The following HMSD variants were observed in gnomAD, a reference collection of about 807,000 sequenced individuals.
The protein encoded by HMSD is serpin-like protein HMSD.
In HMSD, 13 loss-of-function variants were observed where a neutral mutation model predicts 10.0. The ratio of observed to expected loss-of-function variants is 1.31; its 90% CI spans 0.85 to 2.08. HMSD has a LOEUF of 2.08. Among genes scored for constraint, HMSD ranks in the 30% most tolerant of loss-of-function variants. HMSD has a pLI of 0.00. For missense variants in HMSD, 169 were observed against 166.3 expected (o/e 1.02, Z -0.09); for synonymous variants, 51 against 54.2 (o/e 0.94, Z 0.26).
At chr18:63,957,398 T>C (rs1327135295) in intron 3 of HMSD, among the ~76,000 whole-genome samples, 3 of 152,178 alleles carry the variant, frequency 2.0e-5, no homozygotes, top group African/African-American at 4.8e-5. Flanking sequence ...AATTGCCTAT[T>C]TACATATCCT....
downstream of HMSD, among the ~76,000 whole-genome samples, chr18:63,962,523 A>C (rs1040783946): frequency 2.0e-5 from 3 of 152,186 alleles, no homozygotes; most frequent in African/African-American, 7.2e-5. Flanking sequence ...GGATCCAGGG[A>C]TGAGCATCCT....
chr18:63,951,112 TAA>T (rs2050328244), intron 1 of HMSD, among the ~76,000 whole-genome samples: 1 of 152,258 alleles, frequency 6.6e-6, no homozygotes, highest in Non-Finnish European at 1.5e-5. Context: ...AACAGATTTA[TAA>T]GTGTTGATTT....
rs965191006 is a variant in HMSD, at chr18:63,954,286, G to A, written c.73-122G>A. 15 of 712,806 alleles carry A rather than the reference G, an allele frequency of 2.1e-5. No homozygotes were observed. In the African/African-American group the frequency reaches 2.5e-4, roughly 12 times the overall value. 44.2% of individuals were successfully genotyped at this position (712,806 alleles called of 1,614,324 possible). On this transcript the variant is annotated intron_variant, in intron 2 of 3. Transcript: ENST00000408945. ...GACACTCTCTATCTTTTATTAGATT[G>A]ATCATCTTTTAAGCTGTAGTAAGCA...
At chr18:63,967,145 T>G (rs900401453) in intron 3 of HMSD, among the ~76,000 whole-genome samples, 3 of 152,150 alleles carry the variant, frequency 2.0e-5, no homozygotes, top group Non-Finnish European at 4.4e-5. Flanking sequence ...CTTTGTTTTT[T>G]GTTTGTTTGT....
At chr18:63,955,632 G>T (rs1447471469) in intron 3 of HMSD, among the ~76,000 whole-genome samples, 1 of 152,108 alleles carries the variant, frequency 6.6e-6, no homozygotes, top group Non-Finnish European at 1.5e-5. Context: ...TAAAACTTTT[G>T]GAAGGGTGGG....
At chr18:63,962,642 T>C (rs980786824), downstream of HMSD, among the ~76,000 whole-genome samples, 12 of 152,164 alleles carry the variant, frequency 7.9e-5, no homozygotes, top group Non-Finnish European at 8.8e-5. Flanking sequence ...ACTCCTCCTA[T>C]GCTTCAATAA....
At position 63,960,550 on chromosome 18, in the gene HMSD, G is replaced by T. The variant is rs983110252; in HGVS notation, c.*195G>T. On this transcript the variant is annotated 3_prime_UTR_variant, in exon 4 of 4. Transcript: ENST00000408945. Reference sequence around the variant, plus strand: ...GGTAGTTTTTCTTTTCACAAATAGCGTTAAAATTTGAATTTAAAAATTTCT... The same window carrying T: ...GGTAGTTTTTCTTTTCACAAATAGCTTTAAAATTTGAATTTAAAAATTTCT... 1.3e-6 allele frequency: 1 copy of T among 770,218 alleles called. No individual in the cohort carries two copies. Among genetic ancestry groups the T allele is most frequent in the African/African-American group, 1.8e-5 (1 of 55,480 alleles). 47.7% of individuals were successfully genotyped at this position (770,218 alleles called of 1,614,324 possible).
At chr18:63,957,212 C>T (rs1048295091) in intron 3 of HMSD, among the ~76,000 whole-genome samples, 3 of 151,342 alleles carry the variant, frequency 2.0e-5, no homozygotes, top group African/African-American at 7.3e-5. Context: ...CTTAGGTATC[C>T]GTGAACCTAA....
At chr18:63,953,885 C>G (rs1229964107) in intron 2 of HMSD, among the ~76,000 whole-genome samples, 1 of 152,188 alleles carries the variant, frequency 6.6e-6, no homozygotes, top group Non-Finnish European at 1.5e-5. Context: ...GGCTTCTCGA[C>G]CACGGTAGCT....
intron 1 of HMSD, among the ~76,000 whole-genome samples, chr18:63,949,752 T>C (rs528211851): frequency 1.3e-5 from 2 of 152,296 alleles, no homozygotes; most frequent in Admixed American, 1.3e-4. Context: ...GTGAAGTTTA[T>C]GTTGGGCGCT....
At position 63,953,420 on chromosome 18, in the gene HMSD, A is replaced by G; in HGVS notation, c.-36A>G. ...TTGCATTAAACCTTTTGAAAAAGCT[A>G]GGGGAAAACAACTCAAACAACTTAT... On this transcript the variant is annotated 5_prime_UTR_variant, in exon 2 of 4. Transcript: ENST00000408945. 6.4e-7 allele frequency: 1 copy of G among 1,561,782 alleles called. No homozygotes were observed. The highest frequency in any genetic ancestry group is 8.8e-7 in the Non-Finnish European group (1 of 1,134,920).
chr18:63,953,299 A>T, intron 1 of HMSD, 55 bp from the exon 2 acceptor site: 1 of 585,722 alleles, frequency 1.7e-6, no homozygotes. Flanking sequence ...GTGAAAAGTA[A>T]ATACACATGT....
downstream of HMSD, among the ~76,000 whole-genome samples, chr18:63,963,084 TCTTTCTTTC>T: frequency 2.3e-5 from 1 of 43,570 alleles, no homozygotes; most frequent in African/African-American, 1.8e-4. Flanking sequence ...TTTCTTTCTT[TCTTTCTTTC>T]TTTCTTTCTT....
At chr18:63,963,260 C>T (rs934325352), downstream of HMSD, among the ~76,000 whole-genome samples, 2 of 148,066 alleles carry the variant, frequency 1.4e-5, no homozygotes, top group Non-Finnish European at 3.0e-5. Flanking sequence ...TCCTTCCTTC[C>T]TTCTTTCCTT....
At chr18:63,950,492 A>G (rs1206446183) in intron 1 of HMSD, among the ~76,000 whole-genome samples, 2 of 151,504 alleles carry the variant, frequency 1.3e-5, no homozygotes. Context: ...AATGTTTACA[A>G]GAAATGCTGT....
intron 3 of HMSD, among the ~76,000 whole-genome samples, chr18:63,957,142 G>A (rs2050362856): frequency 6.6e-6 from 1 of 152,084 alleles, no homozygotes; most frequent in South Asian, 2.1e-4. Flanking sequence ...TTACATGGTT[G>A]ATGAAATAAT....
At chr18:63,958,000 A>G (rs2050368057) in intron 3 of HMSD, among the ~76,000 whole-genome samples, 1 of 152,192 alleles carries the variant, frequency 6.6e-6, no homozygotes, top group African/African-American at 2.4e-5. Flanking sequence ...TAGGCGTGCA[A>G]GAAGTCATCA....
chr18:63,952,011 T>C (rs373533811), intron 1 of HMSD, among the ~76,000 whole-genome samples: 1,913 of 151,222 alleles, frequency 0.013, 40 homozygotes, highest in African/African-American at 0.044. Flanking sequence ...AAATTGGAAA[T>C]CATCATTCTC....
chr18:63,954,257 T>G (rs1468009664), intron 2 of HMSD, 151 bp from the exon 3 acceptor site: 1 of 609,976 alleles, frequency 1.6e-6, no homozygotes. Flanking sequence ...AGGGTTGCTT[T>G]TGAGACACTC....
Sources: allele counts gnomAD v4.1 joint callset (sites outside exome capture counted in the v4.1 genomes callset), GRCh38; gene constraint gnomAD v4.1.1; transcripts MANE v1.5; gene names NCBI Gene and HGNC (gene_info 2026-07-23, HGNC 2026-07-21).